The following APP variants were observed in gnomAD, a reference collection of about 807,000 sequenced individuals.
APP encodes amyloid beta precursor protein.
APP carries 31 observed loss-of-function variants against 101.4 expected under a neutral mutation model. The observed-to-expected ratio is 0.31, with a 90% CI of 0.23 to 0.41. The LOEUF (loss-of-function observed/expected upper bound fraction) is 0.41, where lower values mean the gene tolerates loss of function less well. Among genes scored for constraint, APP ranks in the 10% least tolerant of loss-of-function variants. The pLI is 1.00. For missense variants in APP, 839 were observed against 1,003.7 expected (o/e 0.84, Z 2.22); for synonymous variants, 366 against 364.4 (o/e 1.00, Z -0.05).
chr21:26,105,068 CAAAAAA>C (rs10579923), intron 2 of APP, among the ~76,000 whole-genome samples: 1 of 110,500 alleles, frequency 9.0e-6, no homozygotes, highest in Non-Finnish European at 1.8e-5. Flanking sequence ...GCATTTTTTT[CAAAAAA>C]AAAAAAAAAA....
At chr21:25,998,896 C>T (rs887965243) in intron 7 of APP, among the ~76,000 whole-genome samples, 2 of 152,196 alleles carry the variant, frequency 1.3e-5, no homozygotes, top group Admixed American at 6.5e-5. Context: ...CTGAGAATTA[C>T]CTCTTTGGGG....
chr21:25,974,735 T>C (rs1250650303), intron 11 of APP, among the ~76,000 whole-genome samples: 1 of 152,116 alleles, frequency 6.6e-6, no homozygotes, highest in Non-Finnish European at 1.5e-5. Context: ...AAGACATCCT[T>C]CCAGCTTTTG....
chr21:26,106,958 CAT>C (rs2062196556), intron 2 of APP, among the ~76,000 whole-genome samples: 1 of 152,156 alleles, frequency 6.6e-6, no homozygotes, highest in Non-Finnish European at 1.5e-5. Flanking sequence ...GTCACACACA[CAT>C]ACAAATGTCC....
Position 25,924,430 on chromosome 21 carries a change from AAAAAAAAAAAGGT to A in APP, c.1688-12481_1688-12469del, listed in dbSNP as rs2146365397. 1.7e-4 allele frequency among the ~76,000 whole-genome samples: 14 copies of A among 84,684 alleles called. 1 individual carries two copies. In the South Asian group the frequency reaches 4.9e-3, roughly 30 times the overall value. The allele number at this position is 84,684 out of a possible 152,430, so 55.6% of individuals were successfully genotyped here. On this transcript the variant is annotated intron_variant, in intron 13 of 17. Coordinates refer to ENST00000346798, the MANE Select transcript of APP (RefSeq NM_000484.4). Reference sequence around the variant, plus strand: ...CAAATACAAAAAAAAAAAAAAAAGGAAAAAAAAAAAGGTTGAGTTCATGTCCTTTGCAGGGCCA... The same window carrying A: ...CAAATACAAAAAAAAAAAAAAAAGGATGAGTTCATGTCCTTTGCAGGGCCA...
At chr21:26,132,114 T>C (rs1569013479) in intron 1 of APP, among the ~76,000 whole-genome samples, 1 of 152,168 alleles carries the variant, frequency 6.6e-6, no homozygotes, top group African/African-American at 2.4e-5. Flanking sequence ...TACTTTGGCA[T>C]GGTGAGACAT....
rs757311752 is a variant in APP at position 25,954,700 on chromosome 21, G to A, written c.1588-11C>T. The A allele has an allele frequency of 6.2e-7, 1 of 1,602,614 alleles. No homozygotes were observed. The highest frequency in any genetic ancestry group is 8.5e-7 in the Non-Finnish European group (1 of 1,169,872). ...GAGGTGTGTCATAACCTGCATCAAA[G>A]GATGACAACTCCAGGTCAACAATGT... is the stretch of plus-strand genomic sequence containing the variant. On this transcript the variant is annotated splice_polypyrimidine_tract_variant and intron_variant, in intron 12 of 17. Transcript: ENST00000346798.
At chr21:25,887,070 G>C (rs1787435) in intron 17 of APP, among the ~76,000 whole-genome samples, 64,574 of 151,992 alleles carry the variant, frequency 0.42, 13,704 homozygotes, top group Middle Eastern at 0.51. Context: ...CAAGTGATCA[G>C]ATCTGTGAGA....
intron 16 of APP, among the ~76,000 whole-genome samples, chr21:25,897,295 T>C (rs2038130080): frequency 1.3e-5 from 2 of 152,122 alleles, no homozygotes; most frequent in Admixed American, 1.3e-4. Context: ...TTTGTATTTT[T>C]AGTAGAGATG....
At chr21:26,095,333 C>T (rs1388134070) in intron 2 of APP, among the ~76,000 whole-genome samples, 3 of 152,170 alleles carry the variant, frequency 2.0e-5, no homozygotes, top group African/African-American at 4.8e-5. Flanking sequence ...AATCTCAAAC[C>T]CACACAGTCC....
chr21:26,140,704 C>T (rs1460950736), intron 1 of APP, among the ~76,000 whole-genome samples: 1 of 152,210 alleles, frequency 6.6e-6, no homozygotes, highest in Non-Finnish European at 1.5e-5. Context: ...TGAATGAACA[C>T]CTTTAAAAAT....
intron 17 of APP, among the ~76,000 whole-genome samples, chr21:25,884,959 C>G (rs948362035): frequency 6.6e-6 from 1 of 152,214 alleles, no homozygotes. Context: ...GGCTCCAAGG[C>G]TGGTGCACAA....
In APP at chr21:25,891,805, C is replaced by T. The variant is rs200446085; in HGVS notation, c.2128G>A (p.Val710Ile). Residue 710 changes from valine (V) to isoleucine (I), a missense_variant, in exon 17 of 18, where the codon GTT (valine) becomes ATT (isoleucine). Coordinates refer to ENST00000346798, the MANE Select transcript of APP (RefSeq NM_000484.4). ...GAIIGLMVGG[V>I]VIATVIVITL... ...ATGACGATCACTGTCGCTATGACAA[C>T]ACCGCCCACCATGAGTCCAATGATT... 11 of 1,614,060 alleles carry T rather than the reference C, an allele frequency of 6.8e-6. No homozygotes were observed. The highest frequency in any genetic ancestry group is 8.5e-7 in the Non-Finnish European group (1 of 1,180,018).
At chr21:26,056,114 T>A (rs2046030712) in intron 3 of APP, among the ~76,000 whole-genome samples, 1 of 152,234 alleles carries the variant, frequency 6.6e-6, no homozygotes. Flanking sequence ...AATGGCTCAC[T>A]GCAGCTTCGA....
In APP at chr21:26,000,059, T is replaced by C; in HGVS notation, c.989A>G (p.Asn330Ser). The part of the protein sequence containing the change: ...FYGGCGGNRN[N>S]FDTEEYCMAV... Reference sequence around the variant, plus strand: ...CATGCAGTACTCTTCTGTGTCAAAGTTGTTCCGGTTGCCGCCACATCCGCC... The same window carrying C: ...CATGCAGTACTCTTCTGTGTCAAAGCTGTTCCGGTTGCCGCCACATCCGCC... Residue 330 changes from asparagine to serine, a missense_variant, in exon 7 of 18, where the codon AAC becomes AGC. By Grantham distance (46) the Asn-to-Ser change is conservative (BLOSUM62 1). Coordinates refer to ENST00000346798, the MANE Select transcript of APP (RefSeq NM_000484.4). 2 of 1,614,148 alleles carry C rather than the reference T, an allele frequency of 1.2e-6. No individual in the cohort carries two copies. The highest frequency in any genetic ancestry group is 1.1e-5 in the South Asian group (1 of 91,074).
intron 13 of APP, among the ~76,000 whole-genome samples, chr21:25,926,632 T>G (rs181673506): frequency 3.9e-5 from 6 of 152,342 alleles, no homozygotes; most frequent in Non-Finnish European, 7.4e-5. Flanking sequence ...GTGGCAGAAC[T>G]GAAATCTGAA....
At chr21:25,940,991 T>C (rs143413302) in intron 13 of APP, among the ~76,000 whole-genome samples, 25 of 152,322 alleles carry the variant, frequency 1.6e-4, no homozygotes, top group Middle Eastern at 3.4e-3. Context: ...ACCACAGCTC[T>C]GAAATATTCC....
At chr21:25,951,734 A>G (rs2041084994) in intron 13 of APP, among the ~76,000 whole-genome samples, 1 of 152,270 alleles carries the variant, frequency 6.6e-6, no homozygotes, top group South Asian at 2.1e-4. Flanking sequence ...TAAAAGCAAC[A>G]CTTTTTATTA....
chr21:25,931,649 C>T (rs1178814498), intron 13 of APP, among the ~76,000 whole-genome samples: 1 of 152,164 alleles, frequency 6.6e-6, no homozygotes. Flanking sequence ...ATTTCAGGAA[C>T]TGGCCCAAGG....
At chr21:25,904,553 T>A (rs908899711) in intron 15 of APP, among the ~76,000 whole-genome samples, 9 of 152,204 alleles carry the variant, frequency 5.9e-5, no homozygotes. Flanking sequence ...AAATCATGTC[T>A]ACTTCAGTAA....
Sources: gnomAD v4.1 joint callset for allele counts (sites outside exome capture counted in the v4.1 genomes callset) on GRCh38, gnomAD v4.1.1 for gene constraint, MANE v1.5 for transcripts, NCBI Gene and HGNC (gene_info 2026-07-23, HGNC 2026-07-21) for gene names.